KAZN: variants seen among roughly 807,000 people sequenced by gnomAD.
KAZN encodes the protein kazrin.
Under a neutral mutation model 87.4 loss-of-function variants are expected in KAZN, and 40 were observed. That is an observed-to-expected ratio of 0.46 (90% CI 0.36 to 0.60). The LOEUF is 0.60. Ranked by LOEUF, KAZN falls within the 20% of genes least tolerant of loss-of-function variation. KAZN has a pLI of 0.00. For synonymous variants in KAZN, 466 were observed against 458.3 expected (o/e 1.02, Z -0.22); for missense variants, 898 against 1,073.9 (o/e 0.84, Z 2.29).
At chr1:13,968,024 G>A (rs1483375599) in intron 1 of KAZN, among the ~76,000 whole-genome samples, 2 of 152,174 alleles carry the variant, frequency 1.3e-5, no homozygotes, top group African/African-American at 4.8e-5. Context: ...GCCTCCTCCT[G>A]TTCCCCAGTG....
At chr1:14,950,924 C>T (rs1004628358) in intron 1 of KAZN, among the ~76,000 whole-genome samples, 8 of 152,064 alleles carry the variant, frequency 5.3e-5, no homozygotes, top group Non-Finnish European at 1.2e-4. Flanking sequence ...GGCAGCAGTA[C>T]CCACAGGAGA....
At position 15,065,732 on chromosome 1, in the gene KAZN, C is replaced by A; in HGVS notation, c.1201C>A (p.Leu401Ile). 6.2e-7 allele frequency: 1 copy of A among 1,614,264 alleles called. No homozygotes were observed. The highest frequency in any genetic ancestry group is 8.5e-7 in the Non-Finnish European group (1 of 1,180,036). Residue 401 changes from leucine to isoleucine, a missense_variant, in exon 8 of 15, where the codon CTC becomes ATC. Transcript: ENST00000376030. ...VFARGKQRKSLDPGLFDDSDS... is the reference protein window; with the variant it reads ...VFARGKQRKSIDPGLFDDSDS... ...CGCCAGAGGGAAGCAGCGGAAGTCC[C>A]TCGACCCCGGCCTCTTTGATGGTAC...
intron 1 of KAZN, among the ~76,000 whole-genome samples, chr1:14,075,692 T>C (rs563583344): frequency 3.0e-4 from 45 of 152,314 alleles, no homozygotes; most frequent in African/African-American, 1.1e-3. Flanking sequence ...AAAATCATCC[T>C]GTTCCGAAGC....
At chr1:14,993,120 C>T (rs892801041) in intron 2 of KAZN, among the ~76,000 whole-genome samples, 1 of 150,668 alleles carries the variant, frequency 6.6e-6, no homozygotes, top group Non-Finnish European at 1.5e-5. Context: ...AGCCATCGCG[C>T]CCAGTCTGGG....
chr1:14,335,111 C>G (rs983040521), intron 2 of KAZN, among the ~76,000 whole-genome samples: 2 of 150,706 alleles, frequency 1.3e-5, no homozygotes, highest in African/African-American at 2.4e-5. Flanking sequence ...TCGGTGCCCC[C>G]CCCCCACCAC....
chr1:15,031,552 G>GAT (rs2102228976), intron 2 of KAZN, among the ~76,000 whole-genome samples: 1 of 146,952 alleles, frequency 6.8e-6, no homozygotes, highest in Admixed American at 6.8e-5. Flanking sequence ...AGCTACTCAG[G>GAT]GTGTGTTGTG....
chr1:14,106,790 C>G (rs146800673), intron 1 of KAZN, among the ~76,000 whole-genome samples: 1 of 152,202 alleles, frequency 6.6e-6, no homozygotes, highest in African/African-American at 2.4e-5. Flanking sequence ...GTGAGTTTCC[C>G]CTGAAAGCCC....
intron 8 of KAZN, among the ~76,000 whole-genome samples, chr1:15,072,970 G>A (rs959731570): frequency 9.9e-5 from 15 of 152,140 alleles, no homozygotes; most frequent in African/African-American, 2.7e-4. Context: ...GGAAGAGACC[G>A]GCAAAATATG....
At chr1:14,028,852 T>G (rs6680774) in intron 1 of KAZN, among the ~76,000 whole-genome samples, 1 of 151,176 alleles carries the variant, frequency 6.6e-6, no homozygotes, top group Non-Finnish European at 1.5e-5. Flanking sequence ...ATGTGCCACA[T>G]TTTCTTAATC....
chr1:15,112,675 G>C (rs1187665947), intron 14 of KAZN, 134 bp downstream of exon 14: 1 of 623,540 alleles, frequency 1.6e-6, no homozygotes, highest in African/African-American at 1.9e-5. Context: ...GGGGCATCCA[G>C]GACAGATGCC....
At chr1:14,407,378 T>C (rs191659846) in intron 2 of KAZN, among the ~76,000 whole-genome samples, 26 of 152,342 alleles carry the variant, frequency 1.7e-4, no homozygotes, top group Non-Finnish European at 3.1e-4. Context: ...ATTGTTCTGC[T>C]GGTCATTGAA....
intron 2 of KAZN, among the ~76,000 whole-genome samples, chr1:14,391,296 A>T (rs1020096434): frequency 5.9e-5 from 9 of 152,124 alleles, no homozygotes; most frequent in African/African-American, 2.2e-4. Flanking sequence ...AGGTATCCAG[A>T]TTCAGTCCTT....
At chr1:14,695,112 G>T (rs916572357) in intron 1 of KAZN, among the ~76,000 whole-genome samples, 1 of 152,150 alleles carries the variant, frequency 6.6e-6, no homozygotes, top group African/African-American at 2.4e-5. Flanking sequence ...CAGGCAAGGT[G>T]TATACCTTGA....
intron 1 of KAZN, among the ~76,000 whole-genome samples, chr1:14,166,608 A>G (rs1645831885): frequency 1.2e-5 from 1 of 81,578 alleles, no homozygotes; most frequent in Non-Finnish European, 2.1e-5. Context: ...ATTTGGTACT[A>G]TTGTGTTACT....
At chr1:15,027,869 C>T (rs1671331386) in intron 2 of KAZN, among the ~76,000 whole-genome samples, 1 of 152,206 alleles carries the variant, frequency 6.6e-6, no homozygotes, top group East Asian at 1.9e-4. Context: ...TCGCTCCGTC[C>T]TGTCCCACAT....
At chr1:14,454,485 CCA>C (rs1667455950) in intron 2 of KAZN, among the ~76,000 whole-genome samples, 1 of 152,176 alleles carries the variant, frequency 6.6e-6, no homozygotes, top group South Asian at 2.1e-4. Flanking sequence ...TCAGAATTCC[CCA>C]CCTCTTCTGG....
chr1:14,428,510 A>G (rs115164976), intron 2 of KAZN, among the ~76,000 whole-genome samples: 544 of 152,316 alleles, frequency 3.6e-3, no homozygotes, highest in African/African-American at 0.012. Context: ...CCCTACAAAG[A>G]TCTTTTCTAA....
intron 1 of KAZN, among the ~76,000 whole-genome samples, chr1:14,890,099 T>C (rs1654537834): frequency 6.6e-6 from 1 of 152,184 alleles, no homozygotes; most frequent in Non-Finnish European, 1.5e-5. Flanking sequence ...TCGGGAAGCT[T>C]ACCACAGGGA....
intron 2 of KAZN, among the ~76,000 whole-genome samples, chr1:14,297,827 A>G (rs1654241212): frequency 6.6e-6 from 1 of 152,224 alleles, no homozygotes; most frequent in African/African-American, 2.4e-5. Flanking sequence ...TATGATGAGT[A>G]AGAAATTATT....
Sources: gnomAD v4.1 joint callset for allele counts (sites outside exome capture counted in the v4.1 genomes callset) on GRCh38, gnomAD v4.1.1 for gene constraint, MANE v1.5 for transcripts, NCBI Gene and HGNC (gene_info 2026-07-23, HGNC 2026-07-21) for gene names.